Variants in GRIK2 observed in about 807,000 individuals in gnomAD.
GRIK2 encodes glutamate receptor ionotropic, kainate 2.
In GRIK2, 32 loss-of-function variants were observed where a neutral mutation model predicts 100.3. That is an observed-to-expected ratio of 0.32 (90% confidence interval 0.24 to 0.43). The LOEUF is 0.43. GRIK2 is among the 20% of genes least tolerant of loss of function. The pLI is 1.00. For synonymous variants in GRIK2, 417 were observed against 389.4 expected (o/e 1.07, Z -0.83); for missense variants, 843 against 1,114.9 (o/e 0.76, Z 3.47).
intron 7 of GRIK2, among the ~76,000 whole-genome samples, chr6:101,689,576 T>C (rs770879763): frequency 1.8e-4 from 27 of 152,128 alleles, no homozygotes; most frequent in Non-Finnish European, 7.4e-5. Context: ...AGGGTCATCA[T>C]ATTAAAGATG....
chr6:101,397,127 A>G (rs1341931214), intron 1 of GRIK2, among the ~76,000 whole-genome samples: 1 of 152,190 alleles, frequency 6.6e-6, no homozygotes, highest in Non-Finnish European at 1.5e-5. Flanking sequence ...TTGTTTTCTC[A>G]GGTTCCAATA....
intron 10 of GRIK2, among the ~76,000 whole-genome samples, chr6:101,820,576 G>C (rs903320597): frequency 6.6e-6 from 1 of 152,112 alleles, no homozygotes; most frequent in African/African-American, 2.4e-5. Flanking sequence ...TTCCTGAGTA[G>C]CTGGGACTAC....
At chr6:101,431,154 G>T (rs555456972) in intron 2 of GRIK2, 92 of 239,140 alleles carry the variant, frequency 3.8e-4, no homozygotes, top group Non-Finnish European at 6.5e-4. Context: ...CAGCAGCACT[G>T]GGTGCTCCTC....
At chr6:102,041,320 T>TTTAC (rs1368352796) in intron 15 of GRIK2, among the ~76,000 whole-genome samples, 3 of 151,698 alleles carry the variant, frequency 2.0e-5, no homozygotes, top group African/African-American at 7.2e-5. Context: ...ATTTAATTCA[T>TTTAC]TTACTTATTA....
At chr6:101,889,894 C>A in intron 12 of GRIK2, 31 bp downstream of exon 12, 3 of 1,179,758 alleles carry the variant, frequency 2.5e-6, no homozygotes, top group Non-Finnish European at 3.8e-6. Flanking sequence ...ATTTTTTTGG[C>A]AATTGTTACC....
intron 2 of GRIK2, among the ~76,000 whole-genome samples, chr6:101,484,538 T>TACACAC (rs138774364): frequency 0.22 from 32,147 of 147,948 alleles, 3,986 homozygotes; most frequent in Non-Finnish European, 0.3. Context: ...TATATGTAAC[T>TACACAC]ACACACACAC....
intron 11 of GRIK2, among the ~76,000 whole-genome samples, chr6:101,863,981 C>CA (rs1784894743): frequency 6.7e-6 from 1 of 150,050 alleles, no homozygotes; most frequent in Non-Finnish European, 1.5e-5. Context: ...ACTAAAAATA[C>CA]AAAAAATTAG....
At chr6:101,652,159 A>G (rs893350490) in intron 4 of GRIK2, among the ~76,000 whole-genome samples, 2 of 152,190 alleles carry the variant, frequency 1.3e-5, no homozygotes, top group African/African-American at 4.8e-5. Flanking sequence ...TGCAAGGTGC[A>G]GTCCACCAGA....
At chr6:101,935,966 A>G (rs1790591843) in intron 14 of GRIK2, among the ~76,000 whole-genome samples, 1 of 152,096 alleles carries the variant, frequency 6.6e-6, no homozygotes, top group South Asian at 2.1e-4. Context: ...CAACTTGCTC[A>G]CAAATTACTG....
At chr6:101,855,943 A>G (rs1228910551) in intron 10 of GRIK2, among the ~76,000 whole-genome samples, 1 of 152,202 alleles carries the variant, frequency 6.6e-6, no homozygotes, top group African/African-American at 2.4e-5. Flanking sequence ...TAGAATCAGT[A>G]TATATTTTGA....
In GRIK2 at chr6:101,924,642, C is replaced by T. The variant is rs1318536936; in HGVS notation, c.1790C>T (p.Pro597Leu). 11 of 1,610,938 alleles carry T rather than the reference C, an allele frequency of 6.8e-6. No homozygotes were observed. Among genetic ancestry groups the T allele is most frequent in the Non-Finnish European group, 8.5e-6 (10 of 1,177,248 alleles). The stretch of plus-strand genomic sequence containing the variant: ...TGGTATAATCCACACCCTTGCAACC[C>T]TGACTCAGACGTGGTGGAAAACAAT... ...YEWYNPHPCN[P>L]DSDVVENNFT... Residue 597 changes from proline to leucine, a missense_variant, in exon 13 of 17, where the codon CCT becomes CTT. By Grantham distance (98) the Pro-to-Leu change is moderately conservative. Coordinates refer to ENST00000369134, the MANE Select transcript of GRIK2 (RefSeq NM_021956.5).
intron 13 of GRIK2, chr6:101,928,112 T>C (rs1486204598): frequency 3.3e-6 from 1 of 305,528 alleles, no homozygotes; most frequent in Non-Finnish European, 6.1e-6. Context: ...AAAAATCTCT[T>C]CTAATGCTAT....
rs1276849581 is a variant in GRIK2, at chr6:101,873,453, C to A, written c.1524+13960C>A. On this transcript the variant is annotated intron_variant, in intron 11 of 16. Coordinates refer to ENST00000369134, the MANE Select transcript of GRIK2 (RefSeq NM_021956.5). ...TCCTTTTTTATGGCTGCATAGTATT[C>A]CATGGTGTATATGTGCCACAATTTC... Among the ~76,000 whole-genome samples the A allele has an allele frequency of 2.8e-4, 43 of 152,014 alleles. 1 individual carries two copies. In the South Asian group the frequency reaches 3.1e-3, roughly 11 times the overall value.
At chr6:101,765,009 A>C (rs1229344436) in intron 7 of GRIK2, among the ~76,000 whole-genome samples, 1 of 152,076 alleles carries the variant, frequency 6.6e-6, no homozygotes, top group African/African-American at 2.4e-5. Context: ...TTCATCTATG[A>C]GGAACATTTT....
chr6:101,460,008 C>T (rs567966648), intron 2 of GRIK2, among the ~76,000 whole-genome samples: 2 of 152,250 alleles, frequency 1.3e-5, no homozygotes, highest in South Asian at 2.1e-4. Flanking sequence ...CTGCCCACCT[C>T]GGCCTCTCGA....
intron 2 of GRIK2, among the ~76,000 whole-genome samples, chr6:101,405,018 G>T (rs563412025): frequency 6.6e-6 from 1 of 152,112 alleles, no homozygotes; most frequent in Non-Finnish European, 1.5e-5. Context: ...GTCATGGGGC[G>T]ATAAAGACCA....
intron 7 of GRIK2, among the ~76,000 whole-genome samples, chr6:101,767,910 T>A (rs940019031): frequency 5.3e-5 from 8 of 152,174 alleles, no homozygotes; most frequent in Admixed American, 4.6e-4. Flanking sequence ...CAGGCCGGAG[T>A]GCAGTGGTGC....
At chr6:101,774,669 C>A (rs1428984195) in intron 7 of GRIK2, among the ~76,000 whole-genome samples, 1 of 152,078 alleles carries the variant, frequency 6.6e-6, no homozygotes, top group African/African-American at 2.4e-5. Context: ...AACTTGTTGG[C>A]ATTTTCTTAC....
chr6:102,014,365 G>A (rs1313012717), intron 14 of GRIK2, among the ~76,000 whole-genome samples: 1 of 151,510 alleles, frequency 6.6e-6, no homozygotes, highest in Non-Finnish European at 1.5e-5. Context: ...AGTGGTCTAT[G>A]TATTAATTTT....
Sources: allele counts gnomAD v4.1 joint callset (sites outside exome capture counted in the v4.1 genomes callset), GRCh38; gene constraint gnomAD v4.1.1; transcripts MANE v1.5; gene names NCBI Gene and HGNC (gene_info 2026-07-23, HGNC 2026-07-21).